STXBP5L: variants seen among roughly 807,000 people sequenced by gnomAD.
STXBP5L encodes the protein syntaxin binding protein 5L, also known as syntaxin-binding protein 5-like.
STXBP5L carries 65 observed loss-of-function variants against 144.5 expected under a neutral mutation model. The ratio of observed to expected loss-of-function variants is 0.45; its 90% CI spans 0.37 to 0.55. The LOEUF (loss-of-function observed/expected upper bound fraction) is 0.55, where lower values mean the gene tolerates loss of function less well. Among genes scored for constraint, STXBP5L ranks in the 20% least tolerant of loss-of-function variants. STXBP5L has a pLI of 0.00. For missense variants in STXBP5L, 1,298 were observed against 1,405.5 expected (o/e 0.92, Z 1.22); for synonymous variants, 505 against 469.6 (o/e 1.08, Z -0.97).
intron 5 of STXBP5L, among the ~76,000 whole-genome samples, chr3:121,055,463 C>T (rs906142460): frequency 9.2e-5 from 14 of 152,064 alleles, no homozygotes; most frequent in African/African-American, 3.4e-4. Context: ...AGGCAGAATC[C>T]AGCCTTAGAT....
rs371888402 is a variant in STXBP5L, at chr3:121,319,963, T to G, written c.2176+1423T>G. Among the ~76,000 whole-genome samples, 9 of 152,070 alleles carry G rather than the reference T, an allele frequency of 5.9e-5. No individual in the cohort carries two copies. In the East Asian group the frequency reaches 1.2e-3, roughly 20 times the overall value. ...TGAGACCCTGTCTCATTAAAGATGA[T>G]AATAATAATAATTTTAAAAGTTTTT... On this transcript the variant is annotated intron_variant, in intron 20 of 26. Transcript: ENST00000471454.
At chr3:121,359,983 T>TATATAATATATATATTTTACTATATA (rs2045656588) in intron 20 of STXBP5L, among the ~76,000 whole-genome samples, 1 of 110,924 alleles carries the variant, frequency 9.0e-6, no homozygotes. Flanking sequence ...TAATATAATA[T>TATATAATATATATATTTTACTATATA]ATATAATATA....
At chr3:121,042,127 G>A (rs1176871020) in intron 4 of STXBP5L, among the ~76,000 whole-genome samples, 2 of 151,726 alleles carry the variant, frequency 1.3e-5, no homozygotes, top group South Asian at 4.1e-4. Context: ...TTGTAATTAA[G>A]GCCTAACTTC....
At chr3:121,317,136 T>C (rs1399377203) in intron 19 of STXBP5L, among the ~76,000 whole-genome samples, 4 of 152,206 alleles carry the variant, frequency 2.6e-5, no homozygotes, top group Non-Finnish European at 5.9e-5. Flanking sequence ...TATCAGTAAA[T>C]ATTATGTGTA....
chr3:121,006,436 C>G (rs1029937747), intron 3 of STXBP5L, among the ~76,000 whole-genome samples: 4 of 152,034 alleles, frequency 2.6e-5, no homozygotes, highest in African/African-American at 9.7e-5. Context: ...TATTTTGAGC[C>G]TATGTGTGTC....
intron 5 of STXBP5L, among the ~76,000 whole-genome samples, chr3:121,096,751 C>T (rs1408226128): frequency 6.6e-6 from 1 of 152,154 alleles, no homozygotes; most frequent in Non-Finnish European, 1.5e-5. Context: ...CAGTTGCCAG[C>T]CAGAGCTCTC....
At position 120,979,559 on chromosome 3, in the gene STXBP5L, C is replaced by G. The variant is rs1269015882; in HGVS notation, c.287+24522C>G. Among the ~76,000 whole-genome samples, 3 of 152,236 alleles carry G rather than the reference C, an allele frequency of 2.0e-5. No individual in the cohort carries two copies. The East Asian group carries it at 5.8e-4, about 29-fold the overall frequency. On this transcript the variant is annotated intron_variant, in intron 3 of 26. Coordinates refer to ENST00000471454, the MANE Select transcript of STXBP5L (RefSeq NM_001308330.2). Reference sequence around the variant, plus strand: ...CGCACAGTGCACTGCACCCACTGTCCTGCACCCACTGTCTGGCACTCCCTA... The same window carrying G: ...CGCACAGTGCACTGCACCCACTGTCGTGCACCCACTGTCTGGCACTCCCTA...
chr3:121,101,401 A>G (rs1327777091), intron 5 of STXBP5L, among the ~76,000 whole-genome samples: 1 of 152,184 alleles, frequency 6.6e-6, no homozygotes, highest in Non-Finnish European at 1.5e-5. Flanking sequence ...ACCATGATCA[A>G]TTAGGCTTCA....
intron 5 of STXBP5L, among the ~76,000 whole-genome samples, chr3:121,087,671 T>C (rs2042563114): frequency 6.6e-6 from 1 of 152,036 alleles, no homozygotes; most frequent in Non-Finnish European, 1.5e-5. Flanking sequence ...GATATAATTA[T>C]TGATATATTA....
chr3:121,246,969 G>T (rs1301446379), intron 14 of STXBP5L, among the ~76,000 whole-genome samples: 1 of 152,126 alleles, frequency 6.6e-6, no homozygotes, highest in East Asian at 1.9e-4. Flanking sequence ...ACTTTTTGGG[G>T]TAATGGAAAT....
intron 19 of STXBP5L, among the ~76,000 whole-genome samples, chr3:121,300,655 C>T (rs892691495): frequency 1.3e-5 from 2 of 151,036 alleles, no homozygotes; most frequent in African/African-American, 2.4e-5. Flanking sequence ...AGCTAAGAAG[C>T]CAAAGAGATG....
rs372933994 is a variant in STXBP5L at position 121,071,741 on chromosome 3, AC to A, written c.470+26209del. 2.1e-3 allele frequency among the ~76,000 whole-genome samples: 312 copies of A among 152,040 alleles called. 3 individuals are homozygous for A. Among genetic ancestry groups the A allele is most frequent in the African/African-American group, 6.9e-3 (288 of 41,454 alleles). ...CTAACAGGTATTCTTTCTCTTACTC[AC>A]CCTTATATTTCCTGTATGGCCTCAC... On this transcript the variant is annotated intron_variant, in intron 5 of 26. Coordinates refer to ENST00000471454, the MANE Select transcript of STXBP5L (RefSeq NM_001308330.2).
At chr3:120,937,475 C>T (rs745866616) in intron 2 of STXBP5L, among the ~76,000 whole-genome samples, 2 of 152,252 alleles carry the variant, frequency 1.3e-5, no homozygotes, top group Non-Finnish European at 1.5e-5. Flanking sequence ...CACTGTAGCT[C>T]GAACCCTGTT....
intron 5 of STXBP5L, among the ~76,000 whole-genome samples, chr3:121,097,856 C>T (rs894924452): frequency 6.6e-6 from 1 of 152,052 alleles, no homozygotes; most frequent in African/African-American, 2.4e-5. Context: ...CAATGGATGC[C>T]ATTACTGAAT....
intron 19 of STXBP5L, among the ~76,000 whole-genome samples, chr3:121,303,666 G>T (rs571164707): frequency 6.6e-6 from 1 of 152,248 alleles, no homozygotes; most frequent in East Asian, 1.9e-4. Flanking sequence ...AAGAAAATGT[G>T]GCACATATAC....
intron 2 of STXBP5L, among the ~76,000 whole-genome samples, chr3:120,915,103 G>A (rs1465542878): frequency 6.6e-6 from 1 of 152,144 alleles, no homozygotes; most frequent in East Asian, 1.9e-4. Context: ...GTCTTGTATA[G>A]TGTGGTGGTT....
intron 20 of STXBP5L, among the ~76,000 whole-genome samples, chr3:121,349,152 G>C (rs181632089): frequency 6.6e-6 from 1 of 152,150 alleles, no homozygotes; most frequent in East Asian, 1.9e-4. Context: ...ATTCTGGTAC[G>C]TTGTGTCTTT....
At chr3:121,050,370 G>A (rs956477496) in intron 5 of STXBP5L, among the ~76,000 whole-genome samples, 1 of 152,060 alleles carries the variant, frequency 6.6e-6, no homozygotes, top group Admixed American at 6.6e-5. Context: ...AAATTTCAAG[G>A]ATATCAAAAA....
intron 7 of STXBP5L, among the ~76,000 whole-genome samples, chr3:121,146,608 A>T (rs1449171471): frequency 6.7e-6 from 1 of 150,014 alleles, no homozygotes; most frequent in African/African-American, 2.5e-5. Flanking sequence ...ATACATTTTA[A>T]ACTTACAGAT....
Sources: allele counts gnomAD v4.1 joint callset (sites outside exome capture counted in the v4.1 genomes callset), GRCh38; gene constraint gnomAD v4.1.1; transcripts MANE v1.5; gene names NCBI Gene and HGNC (gene_info 2026-07-23, HGNC 2026-07-21).